The following PPOX variants were observed in gnomAD, a reference collection of about 807,000 sequenced individuals.
PPOX encodes the protein protoporphyrinogen oxidase.
In PPOX, 23 loss-of-function variants were observed where a neutral mutation model predicts 54.1. The ratio of observed to expected loss-of-function variants is 0.43; its 90% CI spans 0.31 to 0.60. The LOEUF is 0.60. PPOX is among the 20% of genes least tolerant of loss of function. The pLI, the probability that PPOX is intolerant of heterozygous loss-of-function variation, is 0.13. For synonymous variants in PPOX, 224 were observed against 236.1 expected, an observed-to-expected ratio of 0.95 and a Z score of 0.47; for missense variants, 512 against 601.1, an observed-to-expected ratio of 0.85 and a Z score of 1.55.
chr1:161,172,199 T>C (rs1661698774), downstream of PPOX: 1 of 1,612,572 alleles, frequency 6.2e-7, no homozygotes, highest in South Asian at 1.1e-5. Flanking sequence ...CCAGTAACAA[T>C]TCCCAGGCAG....
At chr1:161,177,013 G>A (rs1222959716) in exon 5 of PPOX, 8 of 1,536,016 alleles carry the variant, frequency 5.2e-6, no homozygotes, top group Admixed American at 2.0e-5. Flanking sequence ...TAAGCGAACA[G>A]CCCCGGAGCT....
chr1:161,169,251 G>A, intron 7 of PPOX, 68 bp downstream of exon 7: 1 of 1,568,890 alleles, frequency 6.4e-7, no homozygotes, highest in Non-Finnish European at 8.7e-7. Context: ...GCTTAACTAG[G>A]CCAGGGCCGA....
downstream of PPOX, chr1:161,171,644 G>C: frequency 1.1e-6 from 1 of 876,060 alleles, no homozygotes; most frequent in South Asian, 1.7e-5. Flanking sequence ...GGACCCCTCA[G>C]GTCTACAGGA....
At position 161,170,034 on chromosome 1, in the gene PPOX, AGGGAC is replaced by A; in HGVS notation, c.987+13_987+17del. 6.2e-7 allele frequency: 1 copy of A among 1,609,248 alleles called. No homozygotes were observed. Among genetic ancestry groups the A allele is most frequent in the Non-Finnish European group, 8.5e-7 (1 of 1,178,098 alleles). The stretch of plus-strand genomic sequence containing the variant: ...CCATCTGCCTGTCCAGGTATGATAA[AGGGAC>A]GGAGAGGCTGGGCATGGTGGCTCAC... On this transcript the variant is annotated intron_variant, in intron 9 of 12. Transcript: ENST00000367999.
downstream of PPOX, chr1:161,177,784 T>G (rs539491680): frequency 6.6e-6 from 1 of 151,338 alleles, no homozygotes; most frequent in Non-Finnish European, 1.5e-5. Context: ...ATCAGGAGGC[T>G]AGTGAGCCGG....
At chr1:161,175,041 G>C (rs1036914238), downstream of PPOX, 7 of 1,614,010 alleles carry the variant, frequency 4.3e-6, no homozygotes, top group Non-Finnish European at 4.2e-6. Flanking sequence ...GCTGCAAGAA[G>C]GGGTGCAGGT....
downstream of PPOX, chr1:161,175,374 T>C: frequency 4.1e-6 from 3 of 731,210 alleles, no homozygotes; most frequent in East Asian, 5.5e-5. Context: ...TGCCTTGGAT[T>C]ACCTATCACT....
chr1:161,177,266 T>C (rs941945610), downstream of PPOX: 34 of 605,042 alleles, frequency 5.6e-5, no homozygotes, highest in African/African-American at 1.1e-4. Context: ...CCCTACCTAC[T>C]AGCAACGTGA....
At chr1:161,166,998 TA>T in intron 2 of PPOX, 64 bp downstream of exon 2, 1 of 1,611,804 alleles carries the variant, frequency 6.2e-7, no homozygotes, top group East Asian at 2.2e-5. Flanking sequence ...CATCAAAAGC[TA>T]GATGGATCCT....
At chr1:161,176,934 C>T (rs1391911290) in exon 5 of PPOX, 3 of 1,535,148 alleles carry the variant, frequency 2.0e-6, no homozygotes, top group Non-Finnish European at 1.7e-6. Context: ...AGGAAACAGG[C>T]TCCTTCTATT....
chr1:161,166,330 C>G (rs1045432399), upstream of PPOX: 50 of 1,032,966 alleles, frequency 4.8e-5, no homozygotes, highest in Non-Finnish European at 5.6e-5. Context: ...TCTGCCAGTT[C>G]AATGTTTTAT....
At position 161,166,883 on chromosome 1, in the gene PPOX, C is replaced by A. The variant is rs1195620168; in HGVS notation, c.36C>A (p.Ile12=). 6.2e-7 allele frequency: 1 copy of A among 1,613,644 alleles called. No homozygotes were observed. The highest frequency in any genetic ancestry group is 1.3e-5 in the African/African-American group (1 of 74,946). ...GRTVVVLGGG[I]SGLAASYHLS... is the part of the protein sequence containing the mutation. ...CCGTGGTCGTGCTGGGCGGAGGCATCAGCGGCTTGGCCGCCAGTTACCACC... is the reference window on the plus strand; with the variant it reads ...CCGTGGTCGTGCTGGGCGGAGGCATAAGCGGCTTGGCCGCCAGTTACCACC... Residue 12 remains isoleucine, a synonymous_variant, in exon 2 of 13, where the codon ATC becomes ATA. Coordinates refer to ENST00000367999, the MANE Select transcript of PPOX (RefSeq NM_001122764.3).
Position 161,168,144 on chromosome 1 carries a change from G to A in PPOX, c.471+17G>A, listed in dbSNP as rs756645941. On this transcript the variant is annotated intron_variant, in intron 5 of 12. Coordinates refer to ENST00000367999, the MANE Select transcript of PPOX (RefSeq NM_001122764.3). ...GGACCTGAGGTGACACTTGCCCAGA[G>A]GCCCCAAACCTCTTCCCTCCTAAAC... is the stretch of plus-strand genomic sequence containing the variant. The A allele has an allele frequency of 3.7e-6, 6 of 1,614,136 alleles. No homozygotes were observed. In the East Asian group the frequency reaches 6.7e-5, roughly 18 times the overall value.
downstream of PPOX, among the ~76,000 whole-genome samples, chr1:161,173,364 A>G (rs915668339): frequency 3.3e-5 from 5 of 152,160 alleles, no homozygotes; most frequent in Admixed American, 2.6e-4. Flanking sequence ...CGACGATACT[A>G]TTTCCTATTG....
upstream of PPOX, chr1:161,166,054 T>A (rs1330642796): frequency 1.0e-6 from 1 of 976,702 alleles, no homozygotes; most frequent in Non-Finnish European, 1.2e-6. Flanking sequence ...GTTGCTAACA[T>A]CAAGGAGCTG....
downstream of PPOX, chr1:161,177,289 C>G: frequency 1.7e-6 from 1 of 574,128 alleles, no homozygotes; most frequent in Admixed American, 3.0e-5. Flanking sequence ...CCGCCCGGCC[C>G]CCGTCCATAC....
chr1:161,165,971 C>T (rs1658761033), upstream of PPOX: 2 of 455,820 alleles, frequency 4.4e-6, no homozygotes, highest in African/African-American at 2.1e-5. Context: ...GTTTGGTCGG[C>T]GATGGGGGAG....
downstream of PPOX, chr1:161,175,768 C>T (rs1460504940): frequency 6.2e-7 from 1 of 1,605,394 alleles, no homozygotes; most frequent in Non-Finnish European, 8.5e-7. Context: ...GTCTCCGCAC[C>T]TTGTCCTTCC....
downstream of PPOX, chr1:161,171,475 C>T (rs887364993): frequency 7.5e-5 from 44 of 587,460 alleles, no homozygotes; most frequent in Admixed American, 3.9e-4. Context: ...CACAGAGGTC[C>T]GAGGAGAAGC....
Sources: allele counts gnomAD v4.1 joint callset (sites outside exome capture counted in the v4.1 genomes callset), GRCh38; gene constraint gnomAD v4.1.1; transcripts MANE v1.5; gene names NCBI Gene and HGNC (gene_info 2026-07-23, HGNC 2026-07-21).